BBX: variants seen among roughly 807,000 people sequenced by gnomAD.
BBX encodes HMG box transcription factor BBX.
BBX carries 30 observed loss-of-function variants against 100.2 expected under a neutral mutation model. The observed-to-expected ratio is 0.30, with a 90% CI of 0.22 to 0.41. The LOEUF (loss-of-function observed/expected upper bound fraction) is 0.41. Among genes scored for constraint, BBX ranks in the 10% least tolerant of loss-of-function variants. The probability of loss-of-function intolerance (pLI) is 1.00; values close to 1 mark genes in which losing one functional copy is unlikely to be tolerated. For synonymous variants in BBX, 376 were observed against 388.1 expected, an observed-to-expected ratio of 0.97 and a Z score of 0.37; for missense variants, 1,023 against 1,129.8, an observed-to-expected ratio of 0.91 and a Z score of 1.35.
chr3:107,807,637 C>A lies in BBX; in HGVS notation c.*2180C>A, dbSNP rs146600320. On this transcript the variant is annotated 3_prime_UTR_variant, in exon 18 of 18. Transcript: ENST00000325805. The stretch of plus-strand genomic sequence containing the variant: ...GAATAGATCTATTTTTGCCAGAGCA[C>A]CCTCCTTCAGTCCTCCGATTACATT... 6.6e-6 allele frequency: 1 copy of A among 151,808 alleles called. No individual in the cohort carries two copies. The highest frequency in any genetic ancestry group is 1.5e-5 in the Non-Finnish European group (1 of 67,964). 9.4% of individuals were successfully genotyped at this position (151,808 alleles called of 1,614,324 possible). A position where few individuals can be genotyped will look rare whatever the true frequency, so the allele number is the denominator to read the frequency against.
chr3:107,668,089 G>C (rs2058840531), intron 3 of BBX, among the ~76,000 whole-genome samples: 2 of 152,190 alleles, frequency 1.3e-5, no homozygotes, highest in South Asian at 4.1e-4. Flanking sequence ...AGAAAGTAGA[G>C]CAGCTGCACT....
chr3:107,744,546 A>T, intron 7 of BBX, 84 bp from the exon 8 acceptor site: 2 of 992,516 alleles, frequency 2.0e-6, no homozygotes, highest in South Asian at 2.9e-5. Flanking sequence ...GATAATAAAG[A>T]TCGCAAATGA....
intron 5 of BBX, among the ~76,000 whole-genome samples, chr3:107,717,500 G>A (rs1482742814): frequency 6.6e-6 from 1 of 151,970 alleles, no homozygotes; most frequent in Non-Finnish European, 1.5e-5. Flanking sequence ...GCTTTGACTT[G>A]TTTCTGTTCT....
At chr3:107,747,878 G>A in intron 8 of BBX, 87 bp from the exon 9 acceptor site, 1 of 1,092,020 alleles carries the variant, frequency 9.2e-7, no homozygotes, top group Non-Finnish European at 1.4e-6. Context: ...CTTTATCAGT[G>A]TCTACAGTTG....
intron 3 of BBX, among the ~76,000 whole-genome samples, chr3:107,660,736 C>A (rs1030730075): frequency 3.3e-5 from 5 of 152,070 alleles, no homozygotes; most frequent in Admixed American, 6.5e-5. Flanking sequence ...AGGAGCTTTT[C>A]TGGCAATTCC....
chr3:107,721,523 A>G (rs2062530536), intron 5 of BBX, among the ~76,000 whole-genome samples: 1 of 151,920 alleles, frequency 6.6e-6, no homozygotes, highest in Admixed American at 6.6e-5. Context: ...TGGAATATAG[A>G]TAGTAAACCT....
intron 2 of BBX, among the ~76,000 whole-genome samples, chr3:107,597,297 A>G (rs956785765): frequency 3.3e-5 from 5 of 152,160 alleles, no homozygotes; most frequent in Non-Finnish European, 1.5e-5. Flanking sequence ...TTACCCTATC[A>G]TATTTCTGGT....
At chr3:107,719,804 C>A (rs2062395937) in intron 5 of BBX, among the ~76,000 whole-genome samples, 1 of 152,048 alleles carries the variant, frequency 6.6e-6, no homozygotes, top group Non-Finnish European at 1.5e-5. Context: ...CTTTTAACAT[C>A]TTCATGTATG....
At chr3:107,736,109 G>A (rs1341501946) in intron 7 of BBX, among the ~76,000 whole-genome samples, 2 of 151,874 alleles carry the variant, frequency 1.3e-5, no homozygotes, top group East Asian at 1.9e-4. Context: ...AAGCAAAATC[G>A]ATACATTGAG....
intron 13 of BBX, among the ~76,000 whole-genome samples, chr3:107,784,350 A>G (rs1257006749): frequency 6.6e-6 from 1 of 152,042 alleles, no homozygotes; most frequent in East Asian, 1.9e-4. Flanking sequence ...TAATGGCAGA[A>G]TGTATATTCT....
At chr3:107,659,816 A>G in intron 3 of BBX, 4 of 1,142,936 alleles carry the variant, frequency 3.5e-6, no homozygotes, top group Non-Finnish European at 4.6e-6. Flanking sequence ...TAGTGAGACT[A>G]GAAATGCTGT....
intron 3 of BBX, among the ~76,000 whole-genome samples, chr3:107,687,803 C>T (rs540182719): frequency 4.6e-5 from 7 of 152,142 alleles, no homozygotes; most frequent in African/African-American, 1.7e-4. Context: ...ACCTGTAATC[C>T]CAGCACTTTG....
intron 2 of BBX, among the ~76,000 whole-genome samples, chr3:107,579,636 C>A (rs1406941772): frequency 6.6e-6 from 1 of 152,210 alleles, no homozygotes; most frequent in African/African-American, 2.4e-5. Flanking sequence ...CAGCAGATTT[C>A]TTTGTGCCTC....
intron 2 of BBX, among the ~76,000 whole-genome samples, chr3:107,581,662 T>TGA (rs1207032523): frequency 2.0e-5 from 3 of 152,192 alleles, no homozygotes; most frequent in Admixed American, 2.0e-4. Context: ...CACTGCTTCA[T>TGA]ACTCCGTCGT....
chr3:107,693,752 G>A (rs2060360724), intron 3 of BBX, among the ~76,000 whole-genome samples: 1 of 151,804 alleles, frequency 6.6e-6, no homozygotes, highest in South Asian at 2.1e-4. Flanking sequence ...ATGGTAGCTT[G>A]ATGGGGATGG....
chr3:107,666,621 A>G (rs543819872), intron 3 of BBX, among the ~76,000 whole-genome samples: 20 of 152,344 alleles, frequency 1.3e-4, no homozygotes, highest in African/African-American at 4.6e-4. Context: ...ACTGGAGTGC[A>G]GTGGCGCGAT....
chr3:107,630,038 A>G (rs2056448963), intron 2 of BBX, among the ~76,000 whole-genome samples: 1 of 152,182 alleles, frequency 6.6e-6, no homozygotes, highest in African/African-American at 2.4e-5. Flanking sequence ...TGAGCTCATC[A>G]GTCACAAATA....
intron 2 of BBX, among the ~76,000 whole-genome samples, chr3:107,585,632 G>T (rs2052774867): frequency 6.6e-6 from 1 of 151,846 alleles, no homozygotes; most frequent in African/African-American, 2.4e-5. Flanking sequence ...TTTATCTGTG[G>T]TTCTTTGTTT....
At chr3:107,579,315 G>A (rs2052075968) in intron 2 of BBX, among the ~76,000 whole-genome samples, 1 of 152,146 alleles carries the variant, frequency 6.6e-6, no homozygotes, top group South Asian at 2.1e-4. Flanking sequence ...AGTGTGCCTG[G>A]AACAGTTGGG....
Sources: gnomAD v4.1 joint callset for allele counts (sites outside exome capture counted in the v4.1 genomes callset) on GRCh38, gnomAD v4.1.1 for gene constraint, MANE v1.5 for transcripts, NCBI Gene and HGNC (gene_info 2026-07-23, HGNC 2026-07-21) for gene names.